The following SOX5 variants were observed in gnomAD, a reference collection of about 807,000 sequenced individuals.
SOX5 encodes the protein transcription factor SOX-5.
SOX5 carries 9 observed loss-of-function variants against 92.0 expected under a neutral mutation model. The observed-to-expected ratio is 0.10, with a 90% CI of 0.06 to 0.17. The LOEUF is 0.17. Ranked by LOEUF, SOX5 falls within the 10% of genes least tolerant of loss-of-function variation. The pLI is 1.00. For synonymous variants in SOX5, 344 were observed against 336.3 expected, an observed-to-expected ratio of 1.02 and a Z score of -0.25; for missense variants, 642 against 944.5, an observed-to-expected ratio of 0.68 and a Z score of 4.20.
At chr12:24,529,170 G>A (rs1461666708) in intron 1 of SOX5, among the ~76,000 whole-genome samples, 1 of 152,144 alleles carries the variant, frequency 6.6e-6, no homozygotes, top group South Asian at 2.1e-4. Flanking sequence ...ATCAGCACAA[G>A]CCCAGTTACT....
At chr12:24,137,844 G>A (rs1950243031) in intron 4 of SOX5, among the ~76,000 whole-genome samples, 1 of 152,198 alleles carries the variant, frequency 6.6e-6, no homozygotes. Context: ...CAAAGCAATT[G>A]GCCGTAGCCA....
chr12:23,697,409 A>G (rs1355867387), intron 6 of SOX5, among the ~76,000 whole-genome samples: 1 of 152,132 alleles, frequency 6.6e-6, no homozygotes, highest in Non-Finnish European at 1.5e-5. Context: ...TTAACTTGGT[A>G]TATCTTTTTG....
intron 1 of SOX5, among the ~76,000 whole-genome samples, chr12:24,392,900 C>T (rs11047412): frequency 0.2 from 31,098 of 151,916 alleles, 3,721 homozygotes; most frequent in East Asian, 0.36. Context: ...GGGACAGATT[C>T]GGCAAGTCTT....
chr12:24,314,102 C>G (rs1388170269), intron 2 of SOX5, among the ~76,000 whole-genome samples: 1 of 152,180 alleles, frequency 6.6e-6, no homozygotes, highest in African/African-American at 2.4e-5. Flanking sequence ...CCACCATGAT[C>G]TCGTCTGGCT....
intron 6 of SOX5, among the ~76,000 whole-genome samples, chr12:23,676,447 G>A (rs974100396): frequency 6.6e-6 from 1 of 152,136 alleles, no homozygotes; most frequent in Non-Finnish European, 1.5e-5. Context: ...CGGCTTAAGT[G>A]TCGCTGTCTT....
chr12:24,069,648 T>C (rs1941453972), intron 4 of SOX5, among the ~76,000 whole-genome samples: 1 of 152,172 alleles, frequency 6.6e-6, no homozygotes, highest in African/African-American at 2.4e-5. Flanking sequence ...TACACATTAG[T>C]TCAGAGAACT....
chr12:23,986,581 A>G (rs1036625211), intron 4 of SOX5, among the ~76,000 whole-genome samples: 8 of 152,172 alleles, frequency 5.3e-5, no homozygotes, highest in Admixed American at 5.2e-4. Context: ...CAGTCCATAG[A>G]GAAGTTTTAA....
At chr12:24,253,617 C>T (rs1337516854) in intron 3 of SOX5, among the ~76,000 whole-genome samples, 1 of 152,100 alleles carries the variant, frequency 6.6e-6, no homozygotes, top group East Asian at 1.9e-4. Flanking sequence ...TTCTAAGTCT[C>T]AATATAATTG....
At chr12:23,790,942 A>T (rs2141960377) in intron 3 of SOX5, among the ~76,000 whole-genome samples, 1 of 152,326 alleles carries the variant, frequency 6.6e-6, no homozygotes. Context: ...GCAGCAAGTA[A>T]TTGGCAAATT....
At chr12:23,812,238 G>A (rs986498244) in intron 3 of SOX5, among the ~76,000 whole-genome samples, 1 of 151,758 alleles carries the variant, frequency 6.6e-6, no homozygotes, top group Non-Finnish European at 1.5e-5. Flanking sequence ...AGCTACTAAT[G>A]GTATATATTA....
At chr12:24,031,842 CATT>C (rs1358776671) in intron 4 of SOX5, among the ~76,000 whole-genome samples, 2 of 151,392 alleles carry the variant, frequency 1.3e-5, no homozygotes, top group African/African-American at 4.8e-5. Flanking sequence ...GCAGGAGTGA[CATT>C]ATAAAGTTCT....
intron 4 of SOX5, among the ~76,000 whole-genome samples, chr12:24,026,081 A>T (rs1954835422): frequency 6.6e-6 from 1 of 152,102 alleles, no homozygotes; most frequent in Admixed American, 6.6e-5. Flanking sequence ...AAAGATAGTA[A>T]GAAGAAAACA....
intron 3 of SOX5, among the ~76,000 whole-genome samples, chr12:23,798,362 T>C (rs1482924306): frequency 6.6e-6 from 1 of 152,026 alleles, no homozygotes; most frequent in Non-Finnish European, 1.5e-5. Context: ...GATTGCCATT[T>C]GAAACACTGC....
intron 6 of SOX5, among the ~76,000 whole-genome samples, chr12:23,690,191 T>C (rs535858964): frequency 6.6e-6 from 1 of 152,164 alleles, no homozygotes; most frequent in Non-Finnish European, 1.5e-5. Context: ...GGGAAGTATA[T>C]TGGCATTATT....
chr12:23,760,716 C>T (rs2094539873), intron 3 of SOX5, among the ~76,000 whole-genome samples: 1 of 152,086 alleles, frequency 6.6e-6, no homozygotes, highest in African/African-American at 2.4e-5. Flanking sequence ...GTGCCAAACA[C>T]TCTTAAGACC....
intron 1 of SOX5, among the ~76,000 whole-genome samples, chr12:24,419,577 T>C (rs1039075719): frequency 3.3e-5 from 5 of 152,202 alleles, no homozygotes; most frequent in African/African-American, 9.6e-5. Flanking sequence ...GTCATCATTT[T>C]GGGGTGCACT....
intron 3 of SOX5, among the ~76,000 whole-genome samples, chr12:23,764,611 T>C (rs2094656029): frequency 6.6e-6 from 1 of 152,086 alleles, no homozygotes; most frequent in African/African-American, 2.4e-5. Flanking sequence ...TATCCTACTA[T>C]AAAAAGTGAA....
intron 4 of SOX5, among the ~76,000 whole-genome samples, chr12:24,122,199 C>T (rs760255898): frequency 1.3e-5 from 2 of 152,090 alleles, no homozygotes; most frequent in Non-Finnish European, 2.9e-5. Context: ...GTTACGATCC[C>T]GAAGCATTTC....
At chr12:24,000,115 A>G (rs1217874044) in intron 4 of SOX5, among the ~76,000 whole-genome samples, 2 of 150,930 alleles carry the variant, frequency 1.3e-5, no homozygotes, top group African/African-American at 4.8e-5. Flanking sequence ...CATAATACAT[A>G]TGTATATTAT....
Sources: gnomAD v4.1 joint callset for allele counts (sites outside exome capture counted in the v4.1 genomes callset) on GRCh38, gnomAD v4.1.1 for gene constraint, MANE v1.5 for transcripts, NCBI Gene and HGNC (gene_info 2026-07-23, HGNC 2026-07-21) for gene names.